Variants in ARFGEF2 observed in about 807,000 individuals in gnomAD.
ARFGEF2 encodes brefeldin A-inhibited guanine nucleotide-exchange protein 2.
A neutral mutation model predicts 219.9 loss-of-function variants in ARFGEF2; 74 were observed. That is an observed-to-expected ratio of 0.34 (90% confidence interval 0.28 to 0.41). The LOEUF is 0.41. Among genes scored for constraint, ARFGEF2 ranks in the 10% least tolerant of loss-of-function variants. ARFGEF2 has a pLI of 1.00. For synonymous variants in ARFGEF2, 733 were observed against 799.2 expected, an observed-to-expected ratio of 0.92 and a Z score of 1.40; for missense variants, 1,743 against 2,218.3, an observed-to-expected ratio of 0.79 and a Z score of 4.30.
chr20:49,023,813 C>CA (rs1409929242), intron 35 of ARFGEF2, among the ~76,000 whole-genome samples: 1 of 152,196 alleles, frequency 6.6e-6, no homozygotes, highest in Non-Finnish European at 1.5e-5. Context: ...GCTGGGATTA[C>CA]AGGCGTGAGC....
At chr20:49,012,915 C>A (rs2123524553) in intron 28 of ARFGEF2, among the ~76,000 whole-genome samples, 1 of 152,280 alleles carries the variant, frequency 6.6e-6, no homozygotes, top group Non-Finnish European at 1.5e-5. Context: ...TTCAGTACCA[C>A]TTCAAGAGTG....
chr20:48,979,478 TGCTG>T (rs1352795054), intron 14 of ARFGEF2, among the ~76,000 whole-genome samples: 2 of 152,232 alleles, frequency 1.3e-5, no homozygotes, highest in African/African-American at 4.8e-5. Flanking sequence ...ATCAGGATGA[TGCTG>T]GCCTCATAAA....
At chr20:48,940,758 C>A (rs1287158412) in intron 1 of ARFGEF2, among the ~76,000 whole-genome samples, 5 of 152,142 alleles carry the variant, frequency 3.3e-5, no homozygotes, top group African/African-American at 1.2e-4. Context: ...TGTCTACAGA[C>A]GTTTTTGGTT....
In ARFGEF2 at chr20:48,969,265, C is replaced by T. The variant is rs1427097424; in HGVS notation, c.1178C>T (p.Pro393Leu). ...TCCATGAAACCCCTTGGTGAAGGCC[C>T]TCCAGACCCAAAGTAAGCAGACAGC... The part of the protein sequence containing the change: ...KLSMKPLGEG[P>L]PDPKSHELRS... The change falls in exon 9 of 39, where the codon CCT becomes CTT. Residue 393 changes from proline (P) to leucine (L), a missense_variant. This residue lies in a region of ARFGEF2 where 666 missense variants were observed against 955.4 expected (regional missense o/e 0.70). Coordinates refer to ENST00000371917, the MANE Select transcript of ARFGEF2 (RefSeq NM_006420.3). The T allele has an allele frequency of 6.2e-7, 1 of 1,614,228 alleles. No homozygotes were observed. The highest frequency in any genetic ancestry group is 1.3e-5 in the African/African-American group (1 of 75,070).
At chr20:48,933,539 T>C (rs971644445) in intron 1 of ARFGEF2, among the ~76,000 whole-genome samples, 2 of 152,094 alleles carry the variant, frequency 1.3e-5, no homozygotes, top group African/African-American at 4.8e-5. Flanking sequence ...CTATCATCAT[T>C]ATTATTATTA....
At position 49,033,161 on chromosome 20, in the gene ARFGEF2, C is replaced by T; in HGVS notation, c.5320C>T (p.Pro1774Ser). The change falls in exon 39 of 39, where the codon CCA becomes TCA. Residue 1774 changes from proline (P) to serine (S), a missense_variant. Physicochemically the swap from Pro to Ser is moderately conservative, Grantham distance 74. Transcript: ENST00000371917. ...VVYKIWIPEE[P>S]SQVPAALSPV... ...GTATAAGATATGGATACCAGAAGAG[C>T]CATCACAGGTACCAGCAGCACTGTC... 15 of 1,614,216 alleles carry T rather than the reference C, an allele frequency of 9.3e-6. No homozygotes were observed. Among genetic ancestry groups the T allele is most frequent in the African/African-American group, 5.3e-5 (4 of 75,048 alleles).
intron 3 of ARFGEF2, among the ~76,000 whole-genome samples, chr20:48,942,538 G>A (rs1041132832): frequency 9.8e-5 from 13 of 132,618 alleles, no homozygotes; most frequent in African/African-American, 3.2e-4. Context: ...AGACTGGAGT[G>A]CAATGGCGCG....
rs1000603645 is a variant in ARFGEF2 at position 48,950,435 on chromosome 20, C to CAT, written c.277-876_277-875dup. 5.5e-4 allele frequency among the ~76,000 whole-genome samples: 83 copies of CAT among 151,530 alleles called. 1 individual carries two copies. In the East Asian group the frequency reaches 6.8e-3, roughly 12 times the overall value. ...TTTCCATTGAAAGAAAATACATATT[C>CAT]ATATATATATATAATTTTAACAGCT... On this transcript the variant is annotated intron_variant, in intron 3 of 38. Coordinates refer to ENST00000371917, the MANE Select transcript of ARFGEF2 (RefSeq NM_006420.3).
intron 21 of ARFGEF2, among the ~76,000 whole-genome samples, chr20:48,993,491 C>A (rs929351495): frequency 1.3e-5 from 2 of 152,168 alleles, no homozygotes; most frequent in African/African-American, 4.8e-5. Context: ...TAAAGATACT[C>A]GGCAGTGCTC....
chr20:48,955,806 C>T (rs888391725), intron 6 of ARFGEF2, among the ~76,000 whole-genome samples: 3 of 152,168 alleles, frequency 2.0e-5, no homozygotes, highest in Non-Finnish European at 4.4e-5. Flanking sequence ...GGTGCCATGG[C>T]ACACACCTGT....
At chr20:49,004,696 G>A (rs1398634970) in intron 25 of ARFGEF2, among the ~76,000 whole-genome samples, 6 of 151,990 alleles carry the variant, frequency 3.9e-5, no homozygotes, top group Admixed American at 3.9e-4. Context: ...GGAGGTTGAG[G>A]CAGGAGAATT....
chr20:49,000,140 G>T (rs535787290), intron 25 of ARFGEF2, among the ~76,000 whole-genome samples: 1 of 152,332 alleles, frequency 6.6e-6, no homozygotes, highest in South Asian at 2.1e-4. Context: ...GTGGACAGGT[G>T]CTAGTCTACT....
intron 10 of ARFGEF2, among the ~76,000 whole-genome samples, chr20:48,971,918 G>T (rs1026750892): frequency 1.3e-5 from 2 of 152,046 alleles, no homozygotes; most frequent in African/African-American, 4.8e-5. Context: ...AAAAGTTACT[G>T]CCCCCGGATC....
intron 28 of ARFGEF2, 132 bp from the exon 29 acceptor site, chr20:49,013,432 C>A (rs2091512731): frequency 1.8e-6 from 2 of 1,129,986 alleles, no homozygotes; most frequent in Non-Finnish European, 1.3e-6. Context: ...TAGTCTGTTC[C>A]CACTGTACCC....
intron 25 of ARFGEF2, among the ~76,000 whole-genome samples, chr20:49,003,375 C>G (rs1217422696): frequency 6.6e-6 from 1 of 151,092 alleles, no homozygotes; most frequent in Admixed American, 6.6e-5. Flanking sequence ...GAGGCTGAGG[C>G]GGTTGGATCA....
Position 48,967,178 on chromosome 20 carries a change from G to A in ARFGEF2, c.1059+1155G>A, listed in dbSNP as rs200244646. On this transcript the variant is annotated intron_variant, in intron 8 of 38. Transcript: ENST00000371917. ...TGTTTTTTTCCCCCCTTGAGGATGC[G>A]CTTAAATCTATACAAGGGACTCGTG... 3.9e-5 allele frequency among the ~76,000 whole-genome samples: 6 copies of A among 152,174 alleles called. No individual in the cohort carries two copies. The East Asian group carries it at 5.8e-4, about 15-fold the overall frequency.
chr20:48,991,019 T>C, intron 20 of ARFGEF2, 21 bp from the exon 21 acceptor site: 1 of 1,611,864 alleles, frequency 6.2e-7, no homozygotes, highest in Non-Finnish European at 8.5e-7. Flanking sequence ...CACAGTGTTC[T>C]CTCTTGGGTT....
intron 1 of ARFGEF2, among the ~76,000 whole-genome samples, chr20:48,926,082 G>A (rs1360833876): frequency 1.3e-5 from 2 of 152,184 alleles, no homozygotes; most frequent in East Asian, 3.8e-4. Context: ...GAGGCCCAGA[G>A]AAGTTAAGTT....
chr20:48,998,105 C>T, intron 23 of ARFGEF2, 88 bp from the exon 24 acceptor site: 2 of 1,217,400 alleles, frequency 1.6e-6, no homozygotes, highest in Non-Finnish European at 2.4e-6. Flanking sequence ...AGTGATACAC[C>T]CTCCTCGGCC....
Sources: allele counts gnomAD v4.1 joint callset (sites outside exome capture counted in the v4.1 genomes callset), GRCh38; gene constraint gnomAD v4.1.1; regional missense constraint gnomAD v4.1.1; transcripts MANE v1.5; gene names NCBI Gene and HGNC (gene_info 2026-07-23, HGNC 2026-07-21).